The following CSNK1G3 variants were observed in gnomAD, a reference collection of about 807,000 sequenced individuals.
CSNK1G3 encodes casein kinase 1 gamma 3, also known as casein kinase I isoform gamma-3.
CSNK1G3 carries 23 observed loss-of-function variants against 64.3 expected under a neutral mutation model. The observed-to-expected ratio is 0.36, with a 90% confidence interval of 0.26 to 0.51. The LOEUF is 0.51. Among genes scored for constraint, CSNK1G3 ranks in the 20% least tolerant of loss-of-function variants. The pLI is 0.96. For missense variants in CSNK1G3, 357 were observed against 510.5 expected, an observed-to-expected ratio of 0.70 and a Z score of 2.90; for synonymous variants, 158 against 162.2, an observed-to-expected ratio of 0.97 and a Z score of 0.20.
At chr5:123,521,586 A>G (rs1198314480) in intron 1 of CSNK1G3, among the ~76,000 whole-genome samples, 1 of 152,208 alleles carries the variant, frequency 6.6e-6, no homozygotes, top group African/African-American at 2.4e-5. Flanking sequence ...AGAAATCCTG[A>G]GCATTTGGGA....
intron 10 of CSNK1G3, among the ~76,000 whole-genome samples, chr5:123,602,707 A>G (rs1310726901): frequency 6.6e-6 from 1 of 152,076 alleles, no homozygotes; most frequent in Admixed American, 6.6e-5. Context: ...GCCTTTAGAA[A>G]TGCAGAGTTT....
At chr5:123,582,804 G>A (rs1790551790) in intron 6 of CSNK1G3, among the ~76,000 whole-genome samples, 1 of 152,008 alleles carries the variant, frequency 6.6e-6, no homozygotes, top group Non-Finnish European at 1.5e-5. Flanking sequence ...GACCCTAGGG[G>A]GTGTTCTTTA....
chr5:123,530,867 A>G (rs541890084), intron 1 of CSNK1G3, among the ~76,000 whole-genome samples: 1 of 152,206 alleles, frequency 6.6e-6, no homozygotes, highest in East Asian at 1.9e-4. Flanking sequence ...GCTTTTAAAA[A>G]TAAGTGTTTA....
chr5:123,593,271 A>G (rs58466006), intron 10 of CSNK1G3, among the ~76,000 whole-genome samples: 85,231 of 151,128 alleles, frequency 0.56, 24,520 homozygotes, highest in Middle Eastern at 0.67. Context: ...AGGCTTATAT[A>G]TTGAATTTGG....
At chr5:123,531,782 T>A (rs1005647536) in intron 1 of CSNK1G3, among the ~76,000 whole-genome samples, 3 of 151,934 alleles carry the variant, frequency 2.0e-5, no homozygotes, top group African/African-American at 7.2e-5. Context: ...TTATTTTTAG[T>A]AGTAGATGGA....
exon 13 of CSNK1G3, chr5:123,614,683 A>G (rs1057180967): frequency 1.5e-5 from 4 of 273,460 alleles, no homozygotes; most frequent in Non-Finnish European, 2.7e-5. Context: ...ATAGTTCCAT[A>G]GAACATTTTC....
chr5:123,589,387 G>A (rs1320659042), intron 8 of CSNK1G3, among the ~76,000 whole-genome samples: 1 of 152,054 alleles, frequency 6.6e-6, no homozygotes, highest in African/African-American at 2.4e-5. Flanking sequence ...GCAGTTTAGT[G>A]TAGGCAGATA....
At chr5:123,552,704 A>G (rs1367600692) in intron 2 of CSNK1G3, among the ~76,000 whole-genome samples, 1 of 152,202 alleles carries the variant, frequency 6.6e-6, no homozygotes, top group Non-Finnish European at 1.5e-5. Flanking sequence ...ATCTCATAAT[A>G]ATGATGAATT....
chr5:123,612,527 G>T (rs1477489332), intron 12 of CSNK1G3, among the ~76,000 whole-genome samples: 1 of 151,476 alleles, frequency 6.6e-6, no homozygotes, highest in Admixed American at 6.6e-5. Flanking sequence ...GCCCAGGCTG[G>T]AGTGCAATGG....
At chr5:123,603,012 C>A (rs975485836) in intron 10 of CSNK1G3, among the ~76,000 whole-genome samples, 4 of 152,092 alleles carry the variant, frequency 2.6e-5, no homozygotes, top group Non-Finnish European at 5.9e-5. Context: ...CCCAGAGTCT[C>A]ATAGCTGGTA....
intron 6 of CSNK1G3, among the ~76,000 whole-genome samples, chr5:123,579,466 G>A (rs1391418421): frequency 6.6e-6 from 1 of 151,672 alleles, no homozygotes; most frequent in Non-Finnish European, 1.5e-5. Context: ...ATTAAAACCA[G>A]GCACACCTAT....
rs745440168 is a variant in CSNK1G3, at chr5:123,590,628, T to C, written c.990+70T>C. On this transcript the variant is annotated intron_variant, in intron 9 of 12. Transcript: ENST00000345990. ...CTTTTTAATAGTACAATATCTTCAA[T>C]TGAAAAGAGTTGAGAACAAATAGTT... is the stretch of plus-strand genomic sequence containing the variant. 41 of 923,522 alleles carry C rather than the reference T, an allele frequency of 4.4e-5. No individual in the cohort carries two copies. In the Middle Eastern group the frequency reaches 1.4e-3, roughly 31 times the overall value. 57.2% of individuals were successfully genotyped at this position (923,522 alleles called of 1,614,324 possible). A position where few individuals can be genotyped will look rare whatever the true frequency, so the allele number is the denominator to read the frequency against.
At chr5:123,519,682 T>C (rs1777757490) in intron 1 of CSNK1G3, among the ~76,000 whole-genome samples, 1 of 152,014 alleles carries the variant, frequency 6.6e-6, no homozygotes, top group African/African-American at 2.4e-5. Context: ...TCCAGTGAGA[T>C]TGGAGGAAAG....
At chr5:123,578,415 A>C (rs925898105) in intron 6 of CSNK1G3, among the ~76,000 whole-genome samples, 1 of 151,840 alleles carries the variant, frequency 6.6e-6, no homozygotes, top group African/African-American at 2.4e-5. Flanking sequence ...GATCTGTTTC[A>C]TGTATTTATT....
exon 13 of CSNK1G3, chr5:123,614,609 G>A (rs1247628059): frequency 4.8e-6 from 2 of 413,122 alleles, no homozygotes; most frequent in East Asian, 8.2e-5. Context: ...TTAAAGTTTT[G>A]TCAAAACATG....
intron 10 of CSNK1G3, among the ~76,000 whole-genome samples, chr5:123,597,622 A>G (rs570961490): frequency 2.6e-4 from 40 of 152,202 alleles, no homozygotes; most frequent in African/African-American, 9.6e-4. Flanking sequence ...TTTATTTCAC[A>G]TGTACTTTTA....
At chr5:123,515,559 G>A (rs930134958) in intron 1 of CSNK1G3, among the ~76,000 whole-genome samples, 9 of 152,176 alleles carry the variant, frequency 5.9e-5, no homozygotes, top group Admixed American at 5.2e-4. Context: ...CGGGATTAAC[G>A]TGTGTGAGGT....
At chr5:123,552,685 T>C (rs990808024) in intron 2 of CSNK1G3, among the ~76,000 whole-genome samples, 1 of 152,192 alleles carries the variant, frequency 6.6e-6, no homozygotes, top group Admixed American at 6.5e-5. Flanking sequence ...TGAGCCCTAG[T>C]AAGATTACAT....
At chr5:123,578,198 T>G (rs1320345531) in intron 6 of CSNK1G3, among the ~76,000 whole-genome samples, 1 of 152,004 alleles carries the variant, frequency 6.6e-6, no homozygotes, top group Non-Finnish European at 1.5e-5. Flanking sequence ...TTCAGTTTGG[T>G]CCTATGGCAG....
Sources: allele counts gnomAD v4.1 joint callset (sites outside exome capture counted in the v4.1 genomes callset), GRCh38; gene constraint gnomAD v4.1.1; transcripts MANE v1.5; gene names NCBI Gene and HGNC (gene_info 2026-07-23, HGNC 2026-07-21).